The following ATP8A2 variants were observed in gnomAD, a reference collection of about 807,000 sequenced individuals.
ATP8A2 encodes ATPase phospholipid transporting 8A2, also known as phospholipid-transporting ATPase IB.
Under a neutral mutation model 165.6 loss-of-function variants are expected in ATP8A2, and 100 were observed. The ratio of observed to expected loss-of-function variants is 0.60; its 90% confidence interval spans 0.51 to 0.71. The LOEUF (loss-of-function observed/expected upper bound fraction) is 0.71, where lower values mean the gene tolerates loss of function less well. ATP8A2 is among the 30% of genes least tolerant of loss of function. The pLI, the probability that ATP8A2 is intolerant of heterozygous loss-of-function variation, is 0.00. For missense variants in ATP8A2, 1,227 were observed against 1,479.5 expected (o/e 0.83, Z 2.80); for synonymous variants, 543 against 548.8 (o/e 0.99, Z 0.15).
chr13:25,587,278 C>T (rs2039948955), intron 23 of ATP8A2, among the ~76,000 whole-genome samples: 1 of 152,130 alleles, frequency 6.6e-6, no homozygotes, highest in African/African-American at 2.4e-5. Flanking sequence ...GCGAGTGCTC[C>T]AACTGATAAT....
chr13:25,968,630 A>C lies in ATP8A2; in HGVS notation c.3328A>C (p.Lys1110Gln). ...GGAGGAGGTGCAGGAGCTGGAAACC[A>C]AGTCTCGAGTCCTGGGAAAAGCGGT... Reference protein sequence around the residue: ...LLEEVQELETKSRVLGKAVLR... With the variant: ...LLEEVQELETQSRVLGKAVLR... The change falls in exon 35 of 37, where the codon AAG becomes CAG. Residue 1110 changes from lysine to glutamine, a missense_variant. Physicochemically the swap from Lys to Gln is moderately conservative, Grantham distance 53 (BLOSUM62 1). Coordinates refer to ENST00000381655, the MANE Select transcript of ATP8A2 (RefSeq NM_016529.6). 1 of 1,613,882 alleles carries C rather than the reference A, an allele frequency of 6.2e-7. No homozygotes were observed. The highest frequency in any genetic ancestry group is 8.5e-7 in the Non-Finnish European group (1 of 1,179,988).
intron 1 of ATP8A2, among the ~76,000 whole-genome samples, chr13:25,450,645 C>T (rs1180140890): frequency 6.6e-6 from 1 of 152,160 alleles, no homozygotes; most frequent in Non-Finnish European, 1.5e-5. Flanking sequence ...CATTCTCCTG[C>T]TTCAGCCTCC....
At chr13:25,477,826 A>G (rs1175416913) in intron 2 of ATP8A2, among the ~76,000 whole-genome samples, 2 of 151,968 alleles carry the variant, frequency 1.3e-5, no homozygotes, top group African/African-American at 4.8e-5. Flanking sequence ...AATCCCATCT[A>G]CTCAGGAGGC....
rs1312894956 is a variant in ATP8A2, at chr13:25,512,688, AC to A, written c.222-17305del. ...GGGTGGCTGGCCGGGCGGGGGGCTG[AC>A]CCCCCAACCTCCCTCCCGGACGGGG... On this transcript the variant is annotated intron_variant, in intron 2 of 36. Transcript: ENST00000381655. Among the ~76,000 whole-genome samples, 176 of 113,520 alleles carry A rather than the reference AC, an allele frequency of 1.6e-3. 1 individual carries two copies. Among genetic ancestry groups the A allele is most frequent in the African/African-American group, 5.3e-3 (152 of 28,642 alleles). The allele number at this position is 113,520 out of a possible 152,430, so 74.5% of individuals were successfully genotyped here.
chr13:25,402,690 G>A (rs1191612740), intron 1 of ATP8A2, among the ~76,000 whole-genome samples: 1 of 152,150 alleles, frequency 6.6e-6, no homozygotes, highest in Non-Finnish European at 1.5e-5. Context: ...ATTAAGAGGT[G>A]GGGTATTTAG....
intron 27 of ATP8A2, among the ~76,000 whole-genome samples, chr13:25,793,914 C>T (rs1057258422): frequency 2.0e-5 from 3 of 152,120 alleles, no homozygotes; most frequent in African/African-American, 4.8e-5. Context: ...CATTTGAAGA[C>T]GTGTGCCCTG....
At chr13:25,778,278 C>T (rs961604488) in intron 27 of ATP8A2, among the ~76,000 whole-genome samples, 17 of 152,304 alleles carry the variant, frequency 1.1e-4, no homozygotes, top group African/African-American at 4.1e-4. Flanking sequence ...GAACATAACA[C>T]ATGCTTACGT....
rs554693434 is a variant in ATP8A2, at chr13:25,598,327, G to A, written c.2211+8628G>A. On this transcript the variant is annotated intron_variant, in intron 24 of 36. Transcript: ENST00000381655. ...ATTTTTTTTAAAGACTGTTTTGGTCGTTTCAGGACCTTTGCATTTCTGTAT... is the reference window on the plus strand; with the variant it reads ...ATTTTTTTTAAAGACTGTTTTGGTCATTTCAGGACCTTTGCATTTCTGTAT... 6.6e-5 allele frequency among the ~76,000 whole-genome samples: 10 copies of A among 152,010 alleles called. 1 individual carries two copies. Among genetic ancestry groups the A allele is most frequent in the Admixed American group, 2.0e-4 (3 of 15,260 alleles).
At chr13:25,900,583 G>A (rs1256716733) in intron 33 of ATP8A2, among the ~76,000 whole-genome samples, 2 of 152,146 alleles carry the variant, frequency 1.3e-5, no homozygotes, top group African/African-American at 2.4e-5. Flanking sequence ...CTTAGAAAGA[G>A]TTTTGGCTAA....
chr13:25,704,651 G>A (rs1260394711), intron 25 of ATP8A2, among the ~76,000 whole-genome samples: 1 of 152,102 alleles, frequency 6.6e-6, no homozygotes, highest in Admixed American at 6.6e-5. Context: ...GACAGCATTA[G>A]CAAGCATGGT....
At chr13:25,860,057 A>T in intron 30 of ATP8A2, 138 bp from the exon 31 acceptor site, 1 of 539,588 alleles carries the variant, frequency 1.9e-6, no homozygotes, top group East Asian at 2.9e-5. Context: ...AGAAGTAAGC[A>T]TTAGAGTCAC....
intron 1 of ATP8A2, among the ~76,000 whole-genome samples, chr13:25,420,936 T>G (rs898252144): frequency 6.6e-6 from 1 of 152,212 alleles, no homozygotes; most frequent in Non-Finnish European, 1.5e-5. Flanking sequence ...CTACCTACTT[T>G]AAGAAATTAC....
At chr13:25,790,910 G>A (rs781732865) in intron 27 of ATP8A2, among the ~76,000 whole-genome samples, 37 of 152,066 alleles carry the variant, frequency 2.4e-4, no homozygotes, top group Admixed American at 1.3e-3. Flanking sequence ...TGGAGAAAAA[G>A]GAATGCTTAT....
chr13:25,628,220 C>A (rs1393646252), intron 24 of ATP8A2, among the ~76,000 whole-genome samples: 1 of 152,158 alleles, frequency 6.6e-6, no homozygotes, highest in East Asian at 1.9e-4. Flanking sequence ...TCATTTTAGA[C>A]CTTTTTCTGA....
chr13:25,625,965 T>C (rs2041090091), intron 24 of ATP8A2, among the ~76,000 whole-genome samples: 1 of 152,200 alleles, frequency 6.6e-6, no homozygotes. Context: ...TGTTTGTTTT[T>C]TTAAACTATG....
intron 33 of ATP8A2, among the ~76,000 whole-genome samples, chr13:25,914,000 C>T (rs1274513972): frequency 2.0e-5 from 3 of 152,190 alleles, no homozygotes; most frequent in Non-Finnish European, 2.9e-5. Flanking sequence ...CCTCATATGA[C>T]TCCTCAGCAT....
intron 27 of ATP8A2, among the ~76,000 whole-genome samples, chr13:25,819,189 A>G (rs1449355269): frequency 6.6e-6 from 1 of 152,098 alleles, no homozygotes; most frequent in African/African-American, 2.4e-5. Flanking sequence ...TTGCTCTGTA[A>G]CTTTGTTGGT....
chr13:25,697,364 C>T (rs2042855323), intron 24 of ATP8A2, among the ~76,000 whole-genome samples: 1 of 152,146 alleles, frequency 6.6e-6, no homozygotes. Context: ...ACTGCAACCT[C>T]CACCTCCCAG....
chr13:25,707,789 T>G (rs2043082758), intron 25 of ATP8A2, among the ~76,000 whole-genome samples: 1 of 152,232 alleles, frequency 6.6e-6, no homozygotes, highest in African/African-American at 2.4e-5. Context: ...TTCTGAAACC[T>G]GATTTACATG....
Sources: allele counts gnomAD v4.1 joint callset (sites outside exome capture counted in the v4.1 genomes callset), GRCh38; gene constraint gnomAD v4.1.1; transcripts MANE v1.5; gene names NCBI Gene and HGNC (gene_info 2026-07-23, HGNC 2026-07-21).